The following YAP1 variants were observed in gnomAD, a reference collection of about 807,000 sequenced individuals.
The protein encoded by YAP1 is Yes1 associated transcriptional regulator, also known as transcriptional coactivator YAP1.
In YAP1, 5 loss-of-function variants were observed where a neutral mutation model predicts 56.9. The ratio of observed to expected loss-of-function variants is 0.09; its 90% CI spans 0.05 to 0.18. The LOEUF is 0.18. Among genes scored for constraint, YAP1 ranks in the 10% least tolerant of loss-of-function variants. The pLI, the probability that YAP1 is intolerant of heterozygous loss-of-function variation, is 1.00. For synonymous variants in YAP1, 265 were observed against 248.1 expected, an observed-to-expected ratio of 1.07 and a Z score of -0.64; for missense variants, 539 against 651.8, an observed-to-expected ratio of 0.83 and a Z score of 1.88.
intron 7 of YAP1, among the ~76,000 whole-genome samples, chr11:102,226,138 T>G (rs1465625566): frequency 6.6e-6 from 1 of 152,242 alleles, no homozygotes; most frequent in Admixed American, 6.5e-5. Flanking sequence ...GACCAGGCTC[T>G]TGTCCCAGAT....
chr11:102,207,077 ACTAAGTTC>A (rs1949158703), intron 5 of YAP1, among the ~76,000 whole-genome samples: 1 of 152,182 alleles, frequency 6.6e-6, no homozygotes, highest in South Asian at 2.1e-4. Context: ...GGTTAAATCT[ACTAAGTTC>A]AGATATTGGA....
At position 102,168,430 on chromosome 11, in the gene YAP1, AT is replaced by A. The variant is rs1401693808; in HGVS notation, c.688+5860del. Reference sequence around the variant, plus strand: ...TCTGCTTTTGAGAAATGTACATTTGATAACAACCCAAAGCCTAAATGTCTTA... The same window carrying A: ...TCTGCTTTTGAGAAATGTACATTTGAAACAACCCAAAGCCTAAATGTCTTA... On this transcript the variant is annotated intron_variant, in intron 3 of 8. Coordinates refer to ENST00000282441, the MANE Select transcript of YAP1 (RefSeq NM_001130145.3). 1.1e-4 allele frequency among the ~76,000 whole-genome samples: 16 copies of A among 149,208 alleles called. No individual in the cohort carries two copies. The East Asian group carries it at 3.1e-3, about 29-fold the overall frequency.
chr11:102,152,427 A>G (rs2135354352), intron 2 of YAP1, among the ~76,000 whole-genome samples: 1 of 152,336 alleles, frequency 6.6e-6, no homozygotes, highest in Middle Eastern at 3.4e-3. Flanking sequence ...TGGCCTCTGT[A>G]GATTCGCCTC....
intron 4 of YAP1, among the ~76,000 whole-genome samples, chr11:102,198,469 A>G (rs1948683331): frequency 1.3e-5 from 2 of 152,210 alleles, no homozygotes. Flanking sequence ...TTACATAATG[A>G]AAATATAATG....
chr11:102,124,385 C>T (rs1943901086), intron 2 of YAP1, among the ~76,000 whole-genome samples: 1 of 152,122 alleles, frequency 6.6e-6, no homozygotes, highest in African/African-American at 2.4e-5. Flanking sequence ...AATTCATTGT[C>T]AACAATGCCT....
chr11:102,211,384 AGGTAATTAC>A (rs1308788648), intron 6 of YAP1, among the ~76,000 whole-genome samples: 2 of 152,222 alleles, frequency 1.3e-5, no homozygotes, highest in East Asian at 3.9e-4. Flanking sequence ...CGAAGATTAG[AGGTAATTAC>A]TCAGATTTGC....
At chr11:102,156,598 T>C (rs1324115058) in intron 2 of YAP1, among the ~76,000 whole-genome samples, 1 of 152,248 alleles carries the variant, frequency 6.6e-6, no homozygotes, top group Non-Finnish European at 1.5e-5. Context: ...TTCTAGTCTT[T>C]GTTTTCAGTT....
chr11:102,160,635 C>T (rs897646077), intron 2 of YAP1, among the ~76,000 whole-genome samples: 5 of 152,166 alleles, frequency 3.3e-5, no homozygotes, highest in Non-Finnish European at 7.4e-5. Flanking sequence ...GATGGAGTGA[C>T]AAGAACTCCC....
chr11:102,229,900 C>T lies in YAP1; in HGVS notation c.1475C>T (p.Ala492Val). 2 of 1,614,088 alleles carry T rather than the reference C, an allele frequency of 1.2e-6. No homozygotes were observed. The highest frequency in any genetic ancestry group is 1.7e-6 in the Non-Finnish European group (2 of 1,179,958). Reference sequence around the variant, plus strand: ...AATGACATGGAGTCTGTTTTGGCTGCCACCAAGCTAGATAAAGAAAGCTTT... The same window carrying T: ...AATGACATGGAGTCTGTTTTGGCTGTCACCAAGCTAGATAAAGAAAGCTTT... ...ILNDMESVLA[A>V]TKLDKESFLT... The change falls in exon 9 of 9, where the codon GCC (alanine) becomes GTC (valine). Residue 492 changes from alanine to valine, a missense_variant. Around this residue, in one of 4 missense-constraint regions of YAP1, gnomAD observed 12 missense variants for 31.2 expected, o/e 0.38. Transcript: ENST00000282441.
intron 2 of YAP1, among the ~76,000 whole-genome samples, chr11:102,154,839 C>T (rs1382746376): frequency 6.6e-6 from 1 of 152,110 alleles, no homozygotes; most frequent in African/African-American, 2.4e-5. Context: ...GCCATAAATA[C>T]GCAATGGATA....
intron 2 of YAP1, among the ~76,000 whole-genome samples, chr11:102,145,883 T>C (rs1945297316): frequency 6.6e-6 from 1 of 152,238 alleles, no homozygotes; most frequent in Admixed American, 6.5e-5. Flanking sequence ...TTGCAGTGTT[T>C]TGATTCCTGA....
intron 3 of YAP1, among the ~76,000 whole-genome samples, chr11:102,174,080 G>A (rs189189903): frequency 3.3e-4 from 51 of 152,290 alleles, no homozygotes; most frequent in African/African-American, 1.1e-3. Context: ...ATTTTCTGGT[G>A]ATGCTGATAC....
intron 2 of YAP1, among the ~76,000 whole-genome samples, chr11:102,129,926 A>G (rs1412566826): frequency 6.7e-6 from 1 of 149,654 alleles, no homozygotes; most frequent in Non-Finnish European, 1.5e-5. Context: ...CTCCTGCCTC[A>G]GCCTCCCCAG....
chr11:102,136,339 C>T (rs1944671129), intron 2 of YAP1, among the ~76,000 whole-genome samples: 1 of 150,850 alleles, frequency 6.6e-6, no homozygotes, highest in South Asian at 2.1e-4. Context: ...GACAGGGAGC[C>T]ATTTTTCCTT....
At chr11:102,209,472 A>C in intron 5 of YAP1, 45 bp from the exon 6 acceptor site, 1 of 1,559,594 alleles carries the variant, frequency 6.4e-7, no homozygotes. Context: ...CAGCCAGACC[A>C]TGTGGCTTAA....
chr11:102,160,320 G>A (rs1946194157), intron 2 of YAP1, among the ~76,000 whole-genome samples: 1 of 152,112 alleles, frequency 6.6e-6, no homozygotes. Context: ...ACTGCGCCTG[G>A]CCCAGCATAT....
At chr11:102,206,946 C>T (rs550863079) in intron 5 of YAP1, among the ~76,000 whole-genome samples, 1 of 151,952 alleles carries the variant, frequency 6.6e-6, no homozygotes, top group African/African-American at 2.4e-5. Flanking sequence ...TAGTAGAGAG[C>T]TTTGAAGCCC....
chr11:102,215,765 C>G (rs552971281), intron 6 of YAP1, among the ~76,000 whole-genome samples: 1 of 152,176 alleles, frequency 6.6e-6, no homozygotes, highest in African/African-American at 2.4e-5. Context: ...AGTCATGAGC[C>G]ACTGCGCCTG....
At chr11:102,138,501 G>A (rs998659106) in intron 2 of YAP1, among the ~76,000 whole-genome samples, 16 of 152,154 alleles carry the variant, frequency 1.1e-4, no homozygotes, top group African/African-American at 3.6e-4. Context: ...GGGGAAGGTG[G>A]AAGCTTTAAG....
Sources: allele counts gnomAD v4.1 joint callset (sites outside exome capture counted in the v4.1 genomes callset), GRCh38; gene constraint gnomAD v4.1.1; regional missense constraint gnomAD v4.1.1; transcripts MANE v1.5; gene names NCBI Gene and HGNC (gene_info 2026-07-23, HGNC 2026-07-21).